The following PKD1L1 variants were observed in gnomAD, a reference collection of about 807,000 sequenced individuals.
The protein encoded by PKD1L1 is polycystin-1-like protein 1.
Under a neutral mutation model 323.4 loss-of-function variants are expected in PKD1L1, and 236 were observed. The ratio of observed to expected loss-of-function variants is 0.73; its 90% CI spans 0.66 to 0.81. The LOEUF (loss-of-function observed/expected upper bound fraction) is 0.81, where lower values mean the gene tolerates loss of function less well. Among genes scored for constraint, PKD1L1 ranks in the 40% least tolerant of loss-of-function variants. PKD1L1 has a pLI of 0.00. For missense variants in PKD1L1, 3,320 were observed against 3,508.0 expected (o/e 0.95, Z 1.35); for synonymous variants, 1,344 against 1,335.0 (o/e 1.01, Z -0.15).
At chr7:47,857,903 G>A in intron 27 of PKD1L1, 71 bp from the exon 28 acceptor site, 1 of 1,431,450 alleles carries the variant, frequency 7.0e-7, no homozygotes, top group Non-Finnish European at 9.6e-7. Context: ...TCCAGACTAG[G>A]AGAGAGGGGA....
At chr7:47,856,904 C>A (rs1254273581) in intron 28 of PKD1L1, among the ~76,000 whole-genome samples, 2 of 144,614 alleles carry the variant, frequency 1.4e-5, no homozygotes, top group African/African-American at 5.5e-5. Context: ...AGACTGGGGT[C>A]GGGGGCTACA....
chr7:47,960,377 T>TA, the PKD1L1 span, among the ~76,000 whole-genome samples: 11,187 of 89,338 alleles, frequency 0.13, 777 homozygotes, highest in Non-Finnish European at 0.14. Context: ...AAAAAAAAAT[T>TA]AAAAAAAAAA....
intron 16 of PKD1L1, 142 bp from the exon 17 acceptor site, chr7:47,888,292 G>T: frequency 1.2e-6 from 1 of 826,948 alleles, no homozygotes; most frequent in Non-Finnish European, 1.9e-6. Context: ...CAGCACATAT[G>T]ATGGCACATA....
intron 30 of PKD1L1, among the ~76,000 whole-genome samples, chr7:47,853,604 G>T (rs1055661390): frequency 7.2e-5 from 11 of 151,954 alleles, no homozygotes; most frequent in African/African-American, 2.7e-4. Context: ...TCAGCTGGGC[G>T]TGGTGATGCG....
intron 15 of PKD1L1, among the ~76,000 whole-genome samples, chr7:47,891,664 C>A (rs887866902): frequency 6.6e-6 from 1 of 152,266 alleles, no homozygotes; most frequent in African/African-American, 2.4e-5. Context: ...GCACTGCCTC[C>A]AGCTCACAGG....
the PKD1L1 span, among the ~76,000 whole-genome samples, chr7:47,956,309 T>C: frequency 6.6e-6 from 1 of 152,322 alleles, no homozygotes; most frequent in African/African-American, 2.4e-5. Context: ...TTCCGCACCA[T>C]TCTGAGACTC....
At chr7:47,934,376 T>A (rs972640974) in intron 4 of PKD1L1, among the ~76,000 whole-genome samples, 39 of 152,226 alleles carry the variant, frequency 2.6e-4, no homozygotes, top group Non-Finnish European at 1.0e-4. Flanking sequence ...GGGGTTCACA[T>A]GCTGTCCACT....
At position 47,803,242 on chromosome 7, in the gene PKD1L1, G is replaced by A. The variant is rs368489146; in HGVS notation, c.7930C>T (p.Arg2644Cys). 2.7e-5 allele frequency: 43 copies of A among 1,613,990 alleles called. No individual in the cohort carries two copies. The highest frequency in any genetic ancestry group is 1.7e-4 in the Admixed American group (10 of 59,992). ...ACAAAGATGCTGGGGAGTGAGTGGC[G>A]CATCATGGAGGAGCAGGATGCCATT... ...NTMASCSSMM[R>C]HSLPSIFVAG... Residue 2644 changes from arginine (R) to cysteine (C), a missense_variant, in exon 53 of 57, where the codon CGC becomes TGC. Physicochemically the swap from Arg to Cys is radical, Grantham distance 180. Transcript: ENST00000289672.
chr7:47,868,843 C>T (rs1786223648), intron 24 of PKD1L1, among the ~76,000 whole-genome samples: 1 of 152,144 alleles, frequency 6.6e-6, no homozygotes, highest in African/African-American at 2.4e-5. Context: ...GCACTGCACT[C>T]CAGCCTGGGC....
At position 47,845,072 on chromosome 7, in the gene PKD1L1, A is replaced by G. The variant is rs1458739707; in HGVS notation, c.5160T>C (p.His1720=). ...TTAGGAGAGCGAATGCCGCGAGGCG[A>G]TGGTAGCTAGGAGGGAAATGCGGAT... The part of the protein sequence containing the change: ...TSPEKVNCSY[H]RLAAFALLRR... Residue 1720 remains histidine (H), a synonymous_variant, in exon 33 of 57, where the codon CAT becomes CAC. Transcript: ENST00000289672. 6.2e-7 allele frequency: 1 copy of G among 1,613,508 alleles called. No homozygotes were observed.
intron 46 of PKD1L1, chr7:47,818,043 G>C (rs551158176): frequency 7.3e-7 from 1 of 1,367,220 alleles, no homozygotes; most frequent in African/African-American, 1.5e-5. Context: ...ATTGGGTGCT[G>C]GTTCTTAACT....
intron 8 of PKD1L1, among the ~76,000 whole-genome samples, chr7:47,909,411 C>G (rs1204430736): frequency 6.6e-6 from 1 of 152,144 alleles, no homozygotes; most frequent in Non-Finnish European, 1.5e-5. Context: ...CAAATATGCC[C>G]CTGTGCAGGC....
chr7:47,899,732 G>A (rs188472480), intron 13 of PKD1L1, among the ~76,000 whole-genome samples: 2 of 152,070 alleles, frequency 1.3e-5, no homozygotes, highest in East Asian at 1.9e-4. Flanking sequence ...CAAGGTGGGC[G>A]GATCACGAGG....
At chr7:47,853,769 A>C (rs932908377) in intron 30 of PKD1L1, among the ~76,000 whole-genome samples, 4 of 145,070 alleles carry the variant, frequency 2.8e-5, no homozygotes, top group African/African-American at 1.1e-4. Context: ...AACAAACCAA[A>C]AAAAAAAAAA....
Position 47,908,156 on chromosome 7 carries a change from G to A in PKD1L1, c.1323C>T (p.Ala441=), listed in dbSNP as rs961728139. ...TGCTGGAGTTCATGAACGCAGACACGGCCTCATGGCCAATCTCCACATAAT... is the reference window on the plus strand; with the variant it reads ...TGCTGGAGTTCATGAACGCAGACACAGCCTCATGGCCAATCTCCACATAAT... The part of the protein sequence containing the change: ...GPYYVEIGHE[A]VSAFMNSSSV... The change falls in exon 9 of 57, where the codon GCC becomes GCT. Residue 441 remains alanine (A), a synonymous_variant. Transcript: ENST00000289672. 5.6e-6 allele frequency: 9 copies of A among 1,614,134 alleles called. No individual in the cohort carries two copies. The highest frequency in any genetic ancestry group is 1.6e-4 in the Middle Eastern group (1 of 6,062).
chr7:47,864,566 T>TTTC (rs895069079), intron 26 of PKD1L1, among the ~76,000 whole-genome samples: 23 of 146,064 alleles, frequency 1.6e-4, no homozygotes, highest in Non-Finnish European at 2.6e-4. Flanking sequence ...CTTCTTTTTC[T>TTTC]TTTTCTTTCT....
intron 50 of PKD1L1, among the ~76,000 whole-genome samples, chr7:47,811,300 G>T (rs1244397076): frequency 1.3e-5 from 2 of 152,076 alleles, no homozygotes; most frequent in Non-Finnish European, 2.9e-5. Context: ...GATTACAGGT[G>T]CATGCCACCA....
chr7:47,795,575 C>T, intron 55 of PKD1L1: 1 of 347,750 alleles, frequency 2.9e-6, no homozygotes, highest in East Asian at 8.1e-5. Context: ...GATTTGTTTA[C>T]ATGCATGTCT....
At chr7:47,881,886 G>A in intron 20 of PKD1L1, 23 bp downstream of exon 20, 1 of 1,540,272 alleles carries the variant, frequency 6.5e-7, no homozygotes, top group Non-Finnish European at 8.7e-7. Context: ...GCAAATTGGA[G>A]GGTACAAAGA....
Sources: allele counts gnomAD v4.1 joint callset (sites outside exome capture counted in the v4.1 genomes callset), GRCh38; gene constraint gnomAD v4.1.1; transcripts MANE v1.5; gene names NCBI Gene and HGNC (gene_info 2026-07-23, HGNC 2026-07-21).